Variants in DBH observed in about 807,000 individuals in gnomAD.
DBH encodes the protein dopamine beta-hydroxylase (dopamine beta-monooxygenase).
In DBH, 49 loss-of-function variants were observed where a neutral mutation model predicts 64.0. The observed-to-expected ratio is 0.77, with a 90% CI of 0.61 to 0.97. The LOEUF is 0.97. Ranked by LOEUF, DBH falls within the 50% of genes least tolerant of loss-of-function variation. The pLI, the probability that DBH is intolerant of heterozygous loss-of-function variation, is 0.00. For synonymous variants in DBH, 343 were observed against 347.1 expected, an observed-to-expected ratio of 0.99 and a Z score of 0.13; for missense variants, 828 against 826.6, an observed-to-expected ratio of 1.00 and a Z score of -0.02.
At chr9:133,652,893 CCAACGCCAGGTGGCA>C in intron 8 of DBH, 32 bp from the exon 9 acceptor site, 5 of 1,485,884 alleles carry the variant, frequency 3.4e-6, no homozygotes, top group Non-Finnish European at 4.7e-6. Context: ...CCAGCACCTG[CCAACGCCAGGTGGCA>C]GGTGCTGATG....
intron 9 of DBH, chr9:133,656,012 C>A: frequency 4.4e-6 from 1 of 226,052 alleles, no homozygotes; most frequent in Non-Finnish European, 8.9e-6. Flanking sequence ...TTATAGAGTC[C>A]CTGCTCCCCT....
chr9:133,649,695 C>T (rs1445810335), intron 6 of DBH, among the ~76,000 whole-genome samples: 2 of 152,260 alleles, frequency 1.3e-5, no homozygotes, highest in East Asian at 3.8e-4. Flanking sequence ...TCCCACTTCC[C>T]TAAAGCGCCC....
At chr9:133,650,811 G>T (rs545193467) in intron 6 of DBH, among the ~76,000 whole-genome samples, 1 of 151,962 alleles carries the variant, frequency 6.6e-6, no homozygotes, top group African/African-American at 2.4e-5. Flanking sequence ...GCCTCCCAAA[G>T]TGCTGGGATT....
rs1357908813 is a variant in DBH at position 133,636,385 on chromosome 9, G to T, written c.14G>T (p.Ser5Ile). 3 of 1,609,926 alleles carry T rather than the reference G, an allele frequency of 1.9e-6. No individual in the cohort carries two copies. The highest frequency in any genetic ancestry group is 2.5e-6 in the Non-Finnish European group (3 of 1,179,952). ...CTCACCCCAGCCATGCCCGCCCTCA[G>T]TCGCTGGGCCAGCCTGCCCGGCCCC... MPAL[S>I]RWASLPGPSM... is the part of the protein sequence containing the mutation. The change falls in exon 1 of 12, where the codon AGT (serine) becomes ATT (isoleucine). Residue 5 changes from serine to isoleucine, a missense_variant. Ser to Ile is a moderately radical substitution (Grantham distance 142). Coordinates refer to ENST00000393056, the MANE Select transcript of DBH (RefSeq NM_000787.4).
intron 11 of DBH, chr9:133,657,444 A>AGAGAGGT: frequency 2.6e-6 from 1 of 386,898 alleles, no homozygotes; most frequent in Non-Finnish European, 4.7e-6. Flanking sequence ...GAGAGAGAGG[A>AGAGAGGT]GAGAGAGGAG....
intron 5 of DBH, among the ~76,000 whole-genome samples, chr9:133,645,044 C>CT (rs1218657620): frequency 6.6e-6 from 1 of 152,168 alleles, no homozygotes; most frequent in Non-Finnish European, 1.5e-5. Flanking sequence ...GGTGCTTCTT[C>CT]TTTTCATTTG....
At chr9:133,642,870 A>G (rs1004573638) in intron 3 of DBH, among the ~76,000 whole-genome samples, 1 of 152,194 alleles carries the variant, frequency 6.6e-6, no homozygotes, top group Non-Finnish European at 1.5e-5. Flanking sequence ...TCGAGTGTCC[A>G]CTATGCCACT....
chr9:133,651,534 C>A (rs191392131), intron 6 of DBH, 100 bp from the exon 7 acceptor site: 2 of 1,490,004 alleles, frequency 1.3e-6, no homozygotes, highest in Non-Finnish European at 9.3e-7. Context: ...TCCAGGGAAG[C>A]AAACTGCCCA....
Position 133,642,026 on chromosome 9 carries a change from C to G in DBH, c.487-181C>G, listed in dbSNP as rs551744489. Among the ~76,000 whole-genome samples the G allele has an allele frequency of 5.3e-5, 8 of 152,292 alleles. No individual in the cohort carries two copies. In the East Asian group the frequency reaches 1.5e-3, roughly 29 times the overall value. ...GGTGCAAATAGGGGATCCTGGGGGT[C>G]GTCAGCCCGGGATTTGGCCCCAGCC... On this transcript the variant is annotated intron_variant, in intron 2 of 11. Coordinates refer to ENST00000393056, the MANE Select transcript of DBH (RefSeq NM_000787.4).
chr9:133,649,191 T>C (rs536064492), intron 6 of DBH, among the ~76,000 whole-genome samples: 3 of 152,374 alleles, frequency 2.0e-5, no homozygotes, highest in East Asian at 1.9e-4. Flanking sequence ...TTCATTCCTA[T>C]GCTCGGTTTT....
intron 6 of DBH, among the ~76,000 whole-genome samples, chr9:133,650,827 C>T (rs1223839261): frequency 1.3e-5 from 2 of 152,170 alleles, no homozygotes; most frequent in Non-Finnish European, 2.9e-5. Context: ...GGATTACAAG[C>T]ATGAGCCACC....
chr9:133,642,900 G>A (rs953209674), intron 3 of DBH, among the ~76,000 whole-genome samples: 2 of 152,288 alleles, frequency 1.3e-5, no homozygotes, highest in Middle Eastern at 3.4e-3. Flanking sequence ...GGAGGGGCGA[G>A]GTGATCCCTC....
Position 133,643,377 on chromosome 9 carries a change from G to T in DBH, c.745-36G>T, listed in dbSNP as rs2131285603. ...GCTGCTGGGGAGGGGAGGGTGGGCG[G>T]CCGGTTCCCGGGCTCAGAGGGCTGC... On this transcript the variant is annotated intron_variant, in intron 3 of 11. Transcript: ENST00000393056. This position sits in a 1 kb window ranked among gnomAD's most constrained non-coding sequence, Gnocchi z 5.3. 6.2e-7 allele frequency: 1 copy of T among 1,611,928 alleles called. No homozygotes were observed. The highest frequency in any genetic ancestry group is 8.5e-7 in the Non-Finnish European group (1 of 1,179,032).
At chr9:133,656,484 G>T in intron 9 of DBH, 39 bp from the exon 10 acceptor site, 1 of 1,613,036 alleles carries the variant, frequency 6.2e-7, no homozygotes, top group South Asian at 1.1e-5. Flanking sequence ...GCGTCTGCGT[G>T]GCATGGCCCG....
At chr9:133,654,145 C>T (rs545816129) in intron 9 of DBH, among the ~76,000 whole-genome samples, 8 of 146,240 alleles carry the variant, frequency 5.5e-5, no homozygotes, top group Non-Finnish European at 8.9e-5. Flanking sequence ...GACGGAGTCT[C>T]GCTCTGTCAC....
chr9:133,642,645 C>G (rs1832131327), intron 3 of DBH, among the ~76,000 whole-genome samples, 181 bp downstream of exon 3: 1 of 152,186 alleles, frequency 6.6e-6, no homozygotes, highest in African/African-American at 2.4e-5. Context: ...CCCCATCACT[C>G]TGCTCACTCC....
chr9:133,643,926 G>C lies in DBH; in HGVS notation c.922-292G>C, dbSNP rs967707618. Among the ~76,000 whole-genome samples the C allele has an allele frequency of 6.6e-6, 1 of 152,198 alleles. No individual in the cohort carries two copies. The highest frequency in any genetic ancestry group is 2.4e-5 in the African/African-American group (1 of 41,436). ...GGGGCCAGTGTTGAGGCCTCCACAG[G>C]CTGAGACGATGGGGGTCTCCCCAGC... On this transcript the variant is annotated intron_variant, in intron 4 of 11. Coordinates refer to ENST00000393056, the MANE Select transcript of DBH (RefSeq NM_000787.4). The surrounding 1 kb of genome is among the most constrained non-coding windows in gnomAD (Gnocchi z 5.3).
chr9:133,639,506 T>A (rs1465854812), intron 1 of DBH, among the ~76,000 whole-genome samples: 1 of 152,132 alleles, frequency 6.6e-6, no homozygotes, highest in African/African-American at 2.4e-5. Context: ...TCAGGCATCT[T>A]CTTAAGAAGC....
intron 2 of DBH, among the ~76,000 whole-genome samples, chr9:133,641,271 G>A (rs899560669): frequency 3.9e-5 from 6 of 152,200 alleles, no homozygotes; most frequent in Admixed American, 6.5e-5. Flanking sequence ...CCAGGGGTTC[G>A]GGGTGTGCTG....
Sources: allele counts gnomAD v4.1 joint callset (sites outside exome capture counted in the v4.1 genomes callset), GRCh38; gene constraint gnomAD v4.1.1; non-coding constraint Gnocchi (gnomAD v3.1); transcripts MANE v1.5; gene names NCBI Gene and HGNC (gene_info 2026-07-23, HGNC 2026-07-21).